The following CNTNAP5 variants were observed in gnomAD, a reference collection of about 807,000 sequenced individuals.
CNTNAP5 encodes contactin associated protein family member 5, also known as contactin-associated protein-like 5.
Under a neutral mutation model 150.2 loss-of-function variants are expected in CNTNAP5, and 72 were observed. The observed-to-expected ratio is 0.48, with a 90% CI of 0.40 to 0.58. The LOEUF (loss-of-function observed/expected upper bound fraction) is 0.58, where lower values mean the gene tolerates loss of function less well. Among genes scored for constraint, CNTNAP5 ranks in the 20% least tolerant of loss-of-function variants. The pLI is 0.00. For missense variants in CNTNAP5, 1,636 were observed against 1,626.2 expected (o/e 1.01, Z -0.10); for synonymous variants, 672 against 619.8 (o/e 1.08, Z -1.25).
intron 1 of CNTNAP5, among the ~76,000 whole-genome samples, chr2:124,204,008 A>G (rs1685798999): frequency 6.6e-6 from 1 of 152,232 alleles, no homozygotes; most frequent in African/African-American, 2.4e-5. Context: ...ATTGTCAGGC[A>G]GGAAATTTTC....
chr2:124,711,702 A>G (rs1055021486), intron 13 of CNTNAP5, among the ~76,000 whole-genome samples: 4 of 151,910 alleles, frequency 2.6e-5, no homozygotes, highest in Admixed American at 6.6e-5. Flanking sequence ...TTAGCCAGGC[A>G]GGGTGGCACG....
intron 1 of CNTNAP5, among the ~76,000 whole-genome samples, chr2:124,220,801 T>C (rs529034141): frequency 3.0e-4 from 45 of 152,212 alleles, no homozygotes; most frequent in African/African-American, 1.0e-3. Flanking sequence ...CACAGCCTAA[T>C]CATCTCTGAA....
chr2:124,125,590 C>T (rs1573772465), intron 1 of CNTNAP5, among the ~76,000 whole-genome samples: 1 of 152,252 alleles, frequency 6.6e-6, no homozygotes, highest in Non-Finnish European at 1.5e-5. Flanking sequence ...AACTCTCCAC[C>T]CCAAATCAAC....
At chr2:124,354,567 T>C (rs2104705596) in intron 3 of CNTNAP5, among the ~76,000 whole-genome samples, 1 of 152,288 alleles carries the variant, frequency 6.6e-6, no homozygotes, top group South Asian at 2.1e-4. Context: ...TGACCTAAGA[T>C]CTTTGGATTG....
chr2:124,834,935 A>G (rs560694620), intron 19 of CNTNAP5, among the ~76,000 whole-genome samples: 10 of 151,902 alleles, frequency 6.6e-5, no homozygotes, highest in African/African-American at 2.4e-4. Flanking sequence ...TGACCTTGGT[A>G]AAGTCATAAA....
At chr2:124,170,734 A>G (rs1684910534) in intron 1 of CNTNAP5, among the ~76,000 whole-genome samples, 1 of 152,100 alleles carries the variant, frequency 6.6e-6, no homozygotes, top group Admixed American at 6.5e-5. Flanking sequence ...GGTGAAAGGT[A>G]ACTGTGGGTA....
chr2:124,124,431 G>T (rs561794661), intron 1 of CNTNAP5, among the ~76,000 whole-genome samples: 5 of 152,188 alleles, frequency 3.3e-5, no homozygotes. Flanking sequence ...CCAAATCTAC[G>T]TCTGATTGGT....
At chr2:124,832,557 T>C (rs1682738159) in intron 19 of CNTNAP5, among the ~76,000 whole-genome samples, 1 of 152,152 alleles carries the variant, frequency 6.6e-6, no homozygotes, top group Non-Finnish European at 1.5e-5. Context: ...ATGGAGGCTG[T>C]GGACCAAAAT....
At chr2:124,420,243 C>A (rs548736265) in intron 4 of CNTNAP5, among the ~76,000 whole-genome samples, 2 of 152,012 alleles carry the variant, frequency 1.3e-5, no homozygotes, top group South Asian at 2.1e-4. Context: ...CCCAGCTCGG[C>A]CTCCCAAAGT....
intron 3 of CNTNAP5, among the ~76,000 whole-genome samples, chr2:124,266,942 T>A (rs1352965537): frequency 1.3e-5 from 2 of 151,426 alleles, no homozygotes; most frequent in Non-Finnish European, 2.9e-5. Context: ...ATAATATAGA[T>A]TTATTATGTG....
chr2:124,228,131 A>G (rs1432040833), intron 2 of CNTNAP5, among the ~76,000 whole-genome samples: 1 of 152,056 alleles, frequency 6.6e-6, no homozygotes, highest in Non-Finnish European at 1.5e-5. Flanking sequence ...CTGAGGCCCA[A>G]GGTCTGAGAA....
chr2:124,496,088 G>A (rs1275547643), intron 7 of CNTNAP5, among the ~76,000 whole-genome samples: 1 of 152,132 alleles, frequency 6.6e-6, no homozygotes, highest in African/African-American at 2.4e-5. Flanking sequence ...CCGTAGTCAT[G>A]AGAATCAAGG....
chr2:124,698,727 G>C (rs1679457736), intron 13 of CNTNAP5, among the ~76,000 whole-genome samples: 1 of 152,026 alleles, frequency 6.6e-6, no homozygotes. Flanking sequence ...AGAGATGTAG[G>C]CCAAAGCCCT....
intron 19 of CNTNAP5, among the ~76,000 whole-genome samples, chr2:124,861,636 T>C (rs1677526122): frequency 6.6e-6 from 1 of 151,964 alleles, no homozygotes; most frequent in South Asian, 2.1e-4. Flanking sequence ...TGATTTTGCC[T>C]GAATACGGGG....
chr2:124,363,196 A>G (rs1013222922), intron 3 of CNTNAP5, among the ~76,000 whole-genome samples: 4 of 152,200 alleles, frequency 2.6e-5, no homozygotes, highest in African/African-American at 9.6e-5. Flanking sequence ...ATCTTATTTG[A>G]TCACTTCTTC....
chr2:124,226,476 C>T (rs894660714), intron 2 of CNTNAP5, among the ~76,000 whole-genome samples: 58 of 152,052 alleles, frequency 3.8e-4, no homozygotes, highest in African/African-American at 1.3e-3. Context: ...CTGAGTTGTA[C>T]TTGTTCTTTA....
chr2:124,636,037 C>T (rs943929827), intron 12 of CNTNAP5, among the ~76,000 whole-genome samples: 1 of 152,190 alleles, frequency 6.6e-6, no homozygotes, highest in Non-Finnish European at 1.5e-5. Context: ...TGCTCTCCCT[C>T]TTTAGAGTAT....
chr2:124,332,155 A>T (rs1321713494), intron 3 of CNTNAP5, among the ~76,000 whole-genome samples: 1 of 151,550 alleles, frequency 6.6e-6, no homozygotes, highest in Non-Finnish European at 1.5e-5. Flanking sequence ...ATTTCTTTCT[A>T]CCTTGTTTAT....
intron 1 of CNTNAP5, among the ~76,000 whole-genome samples, chr2:124,182,314 A>G (rs1685228114): frequency 6.6e-6 from 1 of 152,194 alleles, no homozygotes; most frequent in African/African-American, 2.4e-5. Flanking sequence ...TAGTCTACAC[A>G]CAGGCACTCC....
Sources: gnomAD v4.1 joint callset for allele counts (sites outside exome capture counted in the v4.1 genomes callset) on GRCh38, gnomAD v4.1.1 for gene constraint, MANE v1.5 for transcripts, NCBI Gene and HGNC (gene_info 2026-07-23, HGNC 2026-07-21) for gene names.